Variants in ABCA13 observed in about 807,000 individuals in gnomAD.
The protein encoded by ABCA13 is ATP-binding cassette sub-family A member 13.
ABCA13 carries 476 observed loss-of-function variants against 478.7 expected under a neutral mutation model. The ratio of observed to expected loss-of-function variants is 0.99; its 90% CI spans 0.92 to 1.07. The LOEUF is 1.07. Among genes scored for constraint, ABCA13 ranks in the 50% least tolerant of loss-of-function variants. ABCA13 has a pLI of 0.00. For missense variants in ABCA13, 6,060 were observed against 5,910.6 expected, an observed-to-expected ratio of 1.03 and a Z score of -0.83; for synonymous variants, 2,252 against 2,158.9, an observed-to-expected ratio of 1.04 and a Z score of -1.20.
At chr7:48,603,714 GT>G in intron 58 of ABCA13, 1 of 188,220 alleles carries the variant, frequency 5.3e-6, no homozygotes, top group Non-Finnish European at 1.1e-5. Context: ...TTTCTGCCAG[GT>G]TTTGGTATCA....
Position 48,548,033 on chromosome 7 carries a change from G to T in ABCA13, c.14354+19688G>T, listed in dbSNP as rs1251369841. On this transcript the variant is annotated intron_variant, in intron 55 of 61. Coordinates refer to ENST00000435803, the MANE Select transcript of ABCA13 (RefSeq NM_152701.5). The stretch of plus-strand genomic sequence containing the variant: ...TGGTGTGGCTTCTGTCATCCACGAT[G>T]TCTTTTGTGTCTTTTCAAGAACAAC... Among the ~76,000 whole-genome samples, 4 of 151,874 alleles carry T rather than the reference G, an allele frequency of 2.6e-5. No homozygotes were observed. The East Asian group carries it at 7.7e-4, about 29-fold the overall frequency.
intron 55 of ABCA13, among the ~76,000 whole-genome samples, chr7:48,551,011 G>A (rs1033103400): frequency 1.3e-5 from 2 of 151,240 alleles, no homozygotes; most frequent in South Asian, 2.1e-4. Context: ...GAAAAAAATG[G>A]CATCCTACTT....
intron 32 of ABCA13, among the ~76,000 whole-genome samples, chr7:48,369,138 A>G (rs1812235924): frequency 1.3e-5 from 2 of 152,052 alleles, no homozygotes; most frequent in African/African-American, 4.8e-5. Flanking sequence ...TTTGATTTGC[A>G]CTTCCCTGAT....
chr7:48,463,432 CT>C (rs1203469287), intron 43 of ABCA13, among the ~76,000 whole-genome samples: 3 of 152,110 alleles, frequency 2.0e-5, no homozygotes, highest in African/African-American at 7.2e-5. Flanking sequence ...TTTAATTAAG[CT>C]TTTTCTTGAC....
At chr7:48,196,447 G>C (rs983199101) in intron 2 of ABCA13, among the ~76,000 whole-genome samples, 13 of 152,128 alleles carry the variant, frequency 8.5e-5, no homozygotes, top group Admixed American at 2.6e-4. Context: ...AGCTCTGTGG[G>C]GATGGGCATG....
chr7:48,628,454 A>G (rs999179840), intron 59 of ABCA13, among the ~76,000 whole-genome samples: 2 of 152,206 alleles, frequency 1.3e-5, no homozygotes, highest in Non-Finnish European at 2.9e-5. Flanking sequence ...CCACGAGGAA[A>G]TCTTAGCAAT....
chr7:48,568,691 T>A (rs1787317916), intron 55 of ABCA13, among the ~76,000 whole-genome samples: 1 of 152,072 alleles, frequency 6.6e-6, no homozygotes, highest in Non-Finnish European at 1.5e-5. Context: ...TATTAATCCA[T>A]TTTTAAATAT....
At chr7:48,265,623 A>G (rs1794768517) in intron 15 of ABCA13, among the ~76,000 whole-genome samples, 1 of 151,594 alleles carries the variant, frequency 6.6e-6, no homozygotes, top group Non-Finnish European at 1.5e-5. Flanking sequence ...ATTTTTGTAA[A>G]TTCATCTTGT....
rs535827231 is a variant in ABCA13, at chr7:48,631,916, T to C, written c.14838-11372T>C. 2.6e-5 allele frequency among the ~76,000 whole-genome samples: 4 copies of C among 152,286 alleles called. No homozygotes were observed. In the South Asian group the frequency reaches 8.3e-4, roughly 32 times the overall value. ...GCTAAGTATATTCCTAGGTATTTTG[T>C]GTTTTTGCAGCTTTGTGAAGGGAAT... is the stretch of plus-strand genomic sequence containing the variant. On this transcript the variant is annotated intron_variant, in intron 59 of 61. Transcript: ENST00000435803.
intron 8 of ABCA13, among the ~76,000 whole-genome samples, chr7:48,238,683 T>C (rs1790342701): frequency 1.3e-5 from 2 of 152,212 alleles, no homozygotes. Flanking sequence ...TTAGCCAGGA[T>C]GGTCTCTATC....
At chr7:48,288,605 T>C (rs1562973717) in intron 20 of ABCA13, among the ~76,000 whole-genome samples, 1 of 151,836 alleles carries the variant, frequency 6.6e-6, no homozygotes, top group Non-Finnish European at 1.5e-5. Context: ...CAGGAGCTTT[T>C]GCACCATGGA....
At chr7:48,442,443 T>C (rs17729827) in intron 42 of ABCA13, among the ~76,000 whole-genome samples, 45,299 of 152,170 alleles carry the variant, frequency 0.3, 6,833 homozygotes, top group East Asian at 0.38. Flanking sequence ...TTTCTTATGG[T>C]TATACATCTG....
intron 1 of ABCA13, among the ~76,000 whole-genome samples, chr7:48,177,186 G>A (rs1199678160): frequency 6.6e-6 from 1 of 152,130 alleles, no homozygotes; most frequent in Non-Finnish European, 1.5e-5. Context: ...TTGGATTTTT[G>A]CTGGTTTTGC....
intron 41 of ABCA13, among the ~76,000 whole-genome samples, chr7:48,413,276 C>A (rs569923870): frequency 6.6e-6 from 1 of 152,122 alleles, no homozygotes; most frequent in Non-Finnish European, 1.5e-5. Context: ...GCTGGGTATC[C>A]GTGATGTGAG....
intron 19 of ABCA13, 41 bp downstream of exon 19, chr7:48,281,493 G>T: frequency 6.5e-7 from 1 of 1,529,644 alleles, no homozygotes. Flanking sequence ...ATTGCCCTGT[G>T]CCAGTTTTCA....
intron 51 of ABCA13, among the ~76,000 whole-genome samples, chr7:48,512,748 T>A (rs1388211272): frequency 3.6e-5 from 2 of 56,258 alleles, no homozygotes; most frequent in Non-Finnish European, 6.2e-5. Context: ...TGAATTAAAC[T>A]AAGAATTCTC....
chr7:48,227,653 A>T lies in ABCA13; in HGVS notation c.632+228A>T, dbSNP rs143714984. Among the ~76,000 whole-genome samples the T allele has an allele frequency of 2.3e-3, 353 of 152,314 alleles. 2 individuals are homozygous for T. Among genetic ancestry groups the T allele is most frequent in the African/African-American group, 8.2e-3 (340 of 41,558 alleles). ...TCAGAGCGTGTGCTCCCTGATTTAA[A>T]AAAGTCAGCGCCATATTTTAATATT... On this transcript the variant is annotated intron_variant, in intron 6 of 61. Transcript: ENST00000435803.
chr7:48,329,273 G>A (rs1804824345), intron 27 of ABCA13, among the ~76,000 whole-genome samples: 2 of 152,148 alleles, frequency 1.3e-5, no homozygotes, highest in South Asian at 4.1e-4. Flanking sequence ...GGGCTTCTAG[G>A]GGACAGAGTA....
chr7:48,554,786 C>A (rs1785627615), intron 55 of ABCA13, among the ~76,000 whole-genome samples: 1 of 150,022 alleles, frequency 6.7e-6, no homozygotes, highest in Admixed American at 6.6e-5. Flanking sequence ...AATTTGAGTT[C>A]TTCCTTTCTA....
Sources: allele counts gnomAD v4.1 joint callset (sites outside exome capture counted in the v4.1 genomes callset), GRCh38; gene constraint gnomAD v4.1.1; transcripts MANE v1.5; gene names NCBI Gene and HGNC (gene_info 2026-07-23, HGNC 2026-07-21).